Variants in PHF13 observed in about 807,000 individuals in gnomAD.
The protein encoded by PHF13 is PHD finger protein 13, also known as PHD zinc finger protein PHF5.
A neutral mutation model predicts 25.8 loss-of-function variants in PHF13; 1 was observed. That is an observed-to-expected ratio of 0.04 (90% confidence interval 0.01 to 0.18). PHF13 has a LOEUF of 0.18. Ranked by LOEUF, PHF13 falls within the 10% of genes least tolerant of loss-of-function variation. PHF13 has a pLI of 1.00. For synonymous variants in PHF13, 195 were observed against 162.4 expected, an observed-to-expected ratio of 1.20 and a Z score of -1.53; for missense variants, 306 against 403.2, an observed-to-expected ratio of 0.76 and a Z score of 2.06.
chr1:6,614,144 C>T (rs781072505), intron 1 of PHF13, 39 bp downstream of exon 1: 8 of 1,590,030 alleles, frequency 5.0e-6, no homozygotes, highest in East Asian at 2.4e-5. Context: ...CCCGACCACC[C>T]CCTCCGCGAT....
chr1:6,619,559 G>C (rs1420926403), intron 2 of PHF13, among the ~76,000 whole-genome samples: 1 of 152,144 alleles, frequency 6.6e-6, no homozygotes, highest in Non-Finnish European at 1.5e-5. Context: ...GGTTGGTCTT[G>C]AACTCCTGGT....
In PHF13 at chr1:6,613,846, G is replaced by T; in HGVS notation, c.-221G>T. 1 of 357,468 alleles carries T rather than the reference G, an allele frequency of 2.8e-6. No homozygotes were observed. The highest frequency in any genetic ancestry group is 5.1e-6 in the Non-Finnish European group (1 of 196,682). The allele number at this position is 357,468 out of a possible 1,614,324, so 22.1% of individuals were successfully genotyped here. A position where few individuals can be genotyped will look rare whatever the true frequency, so the allele number is the denominator to read the frequency against. On this transcript the variant is annotated 5_prime_UTR_variant, in exon 1 of 4. Transcript: ENST00000377648. ...GCCACTCTCCCGCCTCTACCGCCGCGGGAGCTGCATCGTCCACTCCGGTCG... is the reference window on the plus strand; with the variant it reads ...GCCACTCTCCCGCCTCTACCGCCGCTGGAGCTGCATCGTCCACTCCGGTCG...
In PHF13 at chr1:6,620,126, C is replaced by A; in HGVS notation, c.465C>A (p.Pro155=). 6.2e-7 allele frequency: 1 copy of A among 1,613,734 alleles called. No individual in the cohort carries two copies. The highest frequency in any genetic ancestry group is 8.5e-7 in the Non-Finnish European group (1 of 1,180,032). The change falls in exon 3 of 4, where the codon CCC becomes CCA. Residue 155 remains proline (P), a synonymous_variant. Coordinates refer to ENST00000377648, the MANE Select transcript of PHF13 (RefSeq NM_153812.3). Reference sequence around the variant, plus strand: ...CCTACGTGGAGACCCCCACGAGTCCCACCTTGCAGGATATCCCCCAGGCTC... The same window carrying A: ...CCTACGTGGAGACCCCCACGAGTCCAACCTTGCAGGATATCCCCCAGGCTC... ...ADPYVETPTS[P]TLQDIPQAPS... is the part of the protein sequence containing the mutation.
rs997120798 is a variant in PHF13 at position 6,617,000 on chromosome 1, C to T, written c.141+142C>T. 2.6e-5 allele frequency: 17 copies of T among 644,420 alleles called. No individual in the cohort carries two copies. In the South Asian group the frequency reaches 2.7e-4, roughly 10 times the overall value. The allele number at this position is 644,420 out of a possible 1,614,324, so 39.9% of individuals were successfully genotyped here. A position where few individuals can be genotyped will look rare whatever the true frequency, so the allele number is the denominator to read the frequency against. ...GTGGTGACCCCAGTCACTAGTCTGGCAGAAATCTGTTTCTTGAGAGTTTGA... is the reference window on the plus strand; with the variant it reads ...GTGGTGACCCCAGTCACTAGTCTGGTAGAAATCTGTTTCTTGAGAGTTTGA... On this transcript the variant is annotated intron_variant, in intron 2 of 3. Transcript: ENST00000377648.
chr1:6,614,937 C>G (rs1399904902), intron 1 of PHF13, among the ~76,000 whole-genome samples: 2 of 150,920 alleles, frequency 1.3e-5, no homozygotes, highest in East Asian at 2.0e-4. Flanking sequence ...CGGAGCCCGC[C>G]GGTCTCGCTG....
chr1:6,616,575 C>T (rs1372178593), intron 1 of PHF13, among the ~76,000 whole-genome samples, 182 bp from the exon 2 acceptor site: 3 of 152,226 alleles, frequency 2.0e-5, no homozygotes, highest in Non-Finnish European at 4.4e-5. Flanking sequence ...CCTCTTTCTG[C>T]TCTCTGAAAA....
At position 6,619,836 on chromosome 1, in the gene PHF13, A is replaced by G; in HGVS notation, c.175A>G (p.Asn59Asp). 1.2e-6 allele frequency: 2 copies of G among 1,612,062 alleles called. No individual in the cohort carries two copies. Among genetic ancestry groups the G allele is most frequent in the Non-Finnish European group, 1.7e-6 (2 of 1,179,222 alleles). ...LPLRSSPSPANSTAGTIDSDG... is the reference protein window; with the variant it reads ...LPLRSSPSPADSTAGTIDSDG... ...TTTAAGGAGCAGCCCCAGCCCTGCT[A>G]ACAGCACTGCTGGTACCATTGACAG... The change falls in exon 3 of 4, where the codon AAC becomes GAC. Residue 59 changes from asparagine to aspartate, a missense_variant. Physicochemically the swap from Asn to Asp is conservative, Grantham distance 23. Around this residue, in one of 5 missense-constraint regions of PHF13, gnomAD observed 36 missense variants for 76.0 expected, o/e 0.47. Transcript: ENST00000377648.
At chr1:6,616,075 G>C (rs944147229) in intron 1 of PHF13, among the ~76,000 whole-genome samples, 11 of 141,734 alleles carry the variant, frequency 7.8e-5, no homozygotes, top group Admixed American at 7.6e-4. Context: ...TGTCTACCGG[G>C]CTGGAGTGCA....
Position 6,616,737 on chromosome 1 carries a change from C to T in PHF13, c.40-20C>T, listed in dbSNP as rs745884335. The T allele has an allele frequency of 5.6e-6, 9 of 1,603,120 alleles. No homozygotes were observed. In the African/African-American group the frequency reaches 6.7e-5, roughly 12 times the overall value. On this transcript the variant is annotated intron_variant, in intron 1 of 3. Coordinates refer to ENST00000377648, the MANE Select transcript of PHF13 (RefSeq NM_153812.3). ...GAAGCCTCTCCTTCAAACACATTCC[C>T]TTTTCTCTCCCCTTAATAGGAATAC...
chr1:6,619,636 G>C (rs1314876251), intron 2 of PHF13, among the ~76,000 whole-genome samples, 167 bp from the exon 3 acceptor site: 1 of 152,206 alleles, frequency 6.6e-6, no homozygotes, highest in Non-Finnish European at 1.5e-5. Context: ...ACCACGCCCA[G>C]CCAGAACTCA....
Position 6,621,321 on chromosome 1 carries a change from A to G in PHF13, c.677-90A>G. 1 of 1,365,910 alleles carries G rather than the reference A, an allele frequency of 7.3e-7. No homozygotes were observed. Among genetic ancestry groups the G allele is most frequent in the Non-Finnish European group, 1.0e-6 (1 of 974,216 alleles). 84.6% of individuals were successfully genotyped at this position (1,365,910 alleles called of 1,614,324 possible). A position where few individuals can be genotyped will look rare whatever the true frequency, so the allele number is the denominator to read the frequency against. ...AGTGGCAGTTGGAAGTGTTCTCGTC[A>G]GTAGAGTTAATGGGTTTCATGGAAG... is the stretch of plus-strand genomic sequence containing the variant. On this transcript the variant is annotated intron_variant, in intron 3 of 3. Coordinates refer to ENST00000377648, the MANE Select transcript of PHF13 (RefSeq NM_153812.3). The surrounding 1 kb of genome is among the most constrained non-coding windows in gnomAD (Gnocchi z 4.8).
chr1:6,614,230 G>A (rs1319330926), intron 1 of PHF13, 125 bp downstream of exon 1: 1 of 733,320 alleles, frequency 1.4e-6, no homozygotes, highest in African/African-American at 1.9e-5. Context: ...CCCCTCGTCG[G>A]CCCCCCCGGG....
chr1:6,614,339 C>G lies in PHF13; in HGVS notation c.39+234C>G. On this transcript the variant is annotated intron_variant, in intron 1 of 3. Coordinates refer to ENST00000377648, the MANE Select transcript of PHF13 (RefSeq NM_153812.3). ...CGGACCTCCGCGTCCTCCCCGCGCCCTTTCCCCAGGGCCGTTGCGCCTATT... is the reference window on the plus strand; with the variant it reads ...CGGACCTCCGCGTCCTCCCCGCGCCGTTTCCCCAGGGCCGTTGCGCCTATT... 5.7e-6 allele frequency: 3 copies of G among 522,906 alleles called. No individual in the cohort carries two copies. The South Asian group carries it at 7.0e-5, about 12-fold the overall frequency. The allele number at this position is 522,906 out of a possible 1,614,324, so 32.4% of individuals were successfully genotyped here.
Position 6,613,741 on chromosome 1 carries a change from C to G in PHF13, c.-326C>G, listed in dbSNP as rs1641205034. On this transcript the variant is annotated 5_prime_UTR_variant, in exon 1 of 4. Coordinates refer to ENST00000377648, the MANE Select transcript of PHF13 (RefSeq NM_153812.3). Reference sequence around the variant, plus strand: ...CCTCCCGGCTCTCCCGCCCTCCCTCCCGAGACACGAGCCGAACTGGGCGTC... The same window carrying G: ...CCTCCCGGCTCTCCCGCCCTCCCTCGCGAGACACGAGCCGAACTGGGCGTC... 4.4e-6 allele frequency: 1 copy of G among 228,184 alleles called. No individual in the cohort carries two copies. Among genetic ancestry groups the G allele is most frequent in the African/African-American group, 2.4e-5 (1 of 41,946 alleles). 14.1% of individuals were successfully genotyped at this position (228,184 alleles called of 1,614,324 possible).
chr1:6,618,350 G>A (rs994088115), intron 2 of PHF13, among the ~76,000 whole-genome samples: 2 of 152,176 alleles, frequency 1.3e-5, no homozygotes, highest in African/African-American at 4.8e-5. Flanking sequence ...CCAGGTTGGT[G>A]TCAAACTCCT....
In PHF13 at chr1:6,614,339, C is replaced by T; in HGVS notation, c.39+234C>T. Reference sequence around the variant, plus strand: ...CGGACCTCCGCGTCCTCCCCGCGCCCTTTCCCCAGGGCCGTTGCGCCTATT... The same window carrying T: ...CGGACCTCCGCGTCCTCCCCGCGCCTTTTCCCCAGGGCCGTTGCGCCTATT... On this transcript the variant is annotated intron_variant, in intron 1 of 3. Coordinates refer to ENST00000377648, the MANE Select transcript of PHF13 (RefSeq NM_153812.3). 5.7e-6 allele frequency: 3 copies of T among 522,906 alleles called. 1 individual carries two copies. The highest frequency in any genetic ancestry group is 4.6e-5 in the South Asian group (2 of 43,154). The allele number at this position is 522,906 out of a possible 1,614,324, so 32.4% of individuals were successfully genotyped here. A position where few individuals can be genotyped will look rare whatever the true frequency, so the allele number is the denominator to read the frequency against.
At chr1:6,616,881 C>G in intron 2 of PHF13, 23 bp downstream of exon 2, 1 of 1,601,876 alleles carries the variant, frequency 6.2e-7, no homozygotes, top group Non-Finnish European at 8.6e-7. Context: ...GTTTCTGAGA[C>G]CTTTCTTGAT....
intron 3 of PHF13, among the ~76,000 whole-genome samples, chr1:6,620,578 CTAAG>C (rs1184978001): frequency 6.6e-6 from 1 of 152,164 alleles, no homozygotes; most frequent in Non-Finnish European, 1.5e-5. Flanking sequence ...GGGTATAGTT[CTAAG>C]TAAGCATCCA....
In PHF13 at chr1:6,623,033, G is replaced by C. The variant is rs1389742814; in HGVS notation, c.*1396G>C. On this transcript the variant is annotated 3_prime_UTR_variant, in exon 4 of 4. Coordinates refer to ENST00000377648, the MANE Select transcript of PHF13 (RefSeq NM_153812.3). ...CATAAGCATTGTTTCTTTAAGGCAT[G>C]GAAAGGGAAGAATGCTCAAGCAAGT... 1 of 152,254 alleles carries C rather than the reference G, an allele frequency of 6.6e-6. No individual in the cohort carries two copies. Among genetic ancestry groups the C allele is most frequent in the Non-Finnish European group, 1.5e-5 (1 of 68,058 alleles). 9.4% of individuals were successfully genotyped at this position (152,254 alleles called of 1,614,324 possible).
Sources: allele counts gnomAD v4.1 joint callset (sites outside exome capture counted in the v4.1 genomes callset), GRCh38; gene constraint gnomAD v4.1.1; regional missense constraint gnomAD v4.1.1; non-coding constraint Gnocchi (gnomAD v3.1); transcripts MANE v1.5; gene names NCBI Gene and HGNC (gene_info 2026-07-23, HGNC 2026-07-21).